Variants in TMEM67 observed in about 807,000 individuals in gnomAD.
The protein encoded by TMEM67 is transmembrane protein 67.
In TMEM67, 124 loss-of-function variants were observed where a neutral mutation model predicts 136.6. That is an observed-to-expected ratio of 0.91 (90% CI 0.78 to 1.05). The LOEUF (loss-of-function observed/expected upper bound fraction) is 1.05, where lower values mean the gene tolerates loss of function less well. Among genes scored for constraint, TMEM67 ranks in the 50% least tolerant of loss-of-function variants. The pLI is 0.00. For synonymous variants in TMEM67, 364 were observed against 390.5 expected, an observed-to-expected ratio of 0.93 and a Z score of 0.80; for missense variants, 1,107 against 1,178.4, an observed-to-expected ratio of 0.94 and a Z score of 0.89.
At chr8:93,827,656 A>G in the TMEM67 span, among the ~76,000 whole-genome samples, 1 of 147,122 alleles carries the variant, frequency 6.8e-6, no homozygotes, top group African/African-American at 2.5e-5. Flanking sequence ...TGAGGATCCC[A>G]CTGTGTGGCC....
At chr8:93,796,294 C>T (rs1020420448) in intron 18 of TMEM67, among the ~76,000 whole-genome samples, 1 of 152,142 alleles carries the variant, frequency 6.6e-6, no homozygotes, top group Non-Finnish European at 1.5e-5. Flanking sequence ...TGTCTTCAGG[C>T]ATGAATTTTG....
chr8:93,812,003 G>A lies in TMEM67; in HGVS notation c.2764+2116G>A, dbSNP rs571805171. On this transcript the variant is annotated intron_variant, in intron 26 of 27. Coordinates refer to ENST00000453321, the MANE Select transcript of TMEM67 (RefSeq NM_153704.6). ...TGTCTCTATTAAAAATACAAAATTA[G>A]CCGGGCATGGTGGTGCATGCCTGTA... 8.5e-5 allele frequency among the ~76,000 whole-genome samples: 13 copies of A among 152,056 alleles called. No individual in the cohort carries two copies. In the South Asian group the frequency reaches 2.5e-3, roughly 29 times the overall value.
At position 93,758,579 on chromosome 8, in the gene TMEM67, A is replaced by T. The variant is rs1436703786; in HGVS notation, c.406+3A>T. 6.2e-7 allele frequency: 1 copy of T among 1,605,816 alleles called. No individual in the cohort carries two copies. The highest frequency in any genetic ancestry group is 1.7e-5 in the Admixed American group (1 of 60,018). ...CTGTCCCATTGGCCATATTTTAGGTAAGAATTAGATTCCTTATAAAGAAGT... is the reference window on the plus strand; with the variant it reads ...CTGTCCCATTGGCCATATTTTAGGTTAGAATTAGATTCCTTATAAAGAAGT... On this transcript the variant is annotated splice_donor_region_variant and intron_variant, in intron 3 of 27. Transcript: ENST00000453321.
chr8:93,801,739 G>T (rs551090763), intron 21 of TMEM67, among the ~76,000 whole-genome samples: 40 of 152,184 alleles, frequency 2.6e-4, no homozygotes, highest in Non-Finnish European at 4.9e-4. Context: ...AGGTCCAGGT[G>T]GTGGTATTCA....
At chr8:93,799,845 C>T in intron 21 of TMEM67, 87 bp downstream of exon 21, 1 of 1,093,220 alleles carries the variant, frequency 9.1e-7, no homozygotes, top group South Asian at 1.3e-5. Context: ...CAAATATTGA[C>T]CACATCCTTC....
downstream of TMEM67, chr8:93,819,204 T>G (rs1330213912): frequency 2.3e-6 from 1 of 439,688 alleles, no homozygotes; most frequent in African/African-American, 2.1e-5. Flanking sequence ...TATTTTTTTC[T>G]TGCTAATAAA....
chr8:93,765,001 TTTCTC>T (rs1194420101), intron 4 of TMEM67, among the ~76,000 whole-genome samples: 16 of 152,316 alleles, frequency 1.1e-4, no homozygotes, highest in African/African-American at 3.6e-4. Context: ...TAGAGATACA[TTTCTC>T]TTCGGGTTAT....
At chr8:93,816,289 A>C (rs1210683924) in intron 27 of TMEM67, 83 bp from the exon 28 acceptor site, 1 of 633,932 alleles carries the variant, frequency 1.6e-6, no homozygotes, top group Non-Finnish European at 2.8e-6. Flanking sequence ...AGAATTAGCT[A>C]ATTTAATCTA....
intron 7 of TMEM67, among the ~76,000 whole-genome samples, chr8:93,774,717 C>T (rs1367623061): frequency 6.6e-6 from 1 of 152,194 alleles, no homozygotes; most frequent in Non-Finnish European, 1.5e-5. Context: ...CTTAGTATTC[C>T]ATGGTGTATA....
chr8:93,812,614 GC>G (rs1301361313), intron 26 of TMEM67, among the ~76,000 whole-genome samples: 2 of 152,184 alleles, frequency 1.3e-5, no homozygotes, highest in Non-Finnish European at 2.9e-5. Context: ...GAACTTTAGT[GC>G]CTTCTTTGTA....
At chr8:93,828,858 T>G in the TMEM67 span, among the ~76,000 whole-genome samples, 1 of 152,178 alleles carries the variant, frequency 6.6e-6, no homozygotes, top group Non-Finnish European at 1.5e-5. Flanking sequence ...ACAAGACTAT[T>G]GTTAGTCAAG....
At chr8:93,766,246 G>C (rs1176775270) in intron 6 of TMEM67, among the ~76,000 whole-genome samples, 1 of 152,036 alleles carries the variant, frequency 6.6e-6, no homozygotes, top group Non-Finnish European at 1.5e-5. Context: ...GCCTCAGCGA[G>C]TAGCTGGGAT....
chr8:93,813,391 C>G (rs1808775830), intron 26 of TMEM67, among the ~76,000 whole-genome samples: 1 of 152,094 alleles, frequency 6.6e-6, no homozygotes, highest in South Asian at 2.1e-4. Flanking sequence ...ATTGGCCAGG[C>G]TGGCCTCGAA....
At chr8:93,794,469 T>C (rs1814519566) in intron 16 of TMEM67, among the ~76,000 whole-genome samples, 2 of 152,240 alleles carry the variant, frequency 1.3e-5, no homozygotes, top group Admixed American at 1.3e-4. Context: ...ATTATTATTA[T>C]TTGCGTTTTA....
intron 14 of TMEM67, among the ~76,000 whole-genome samples, chr8:93,790,096 C>G: frequency 6.6e-6 from 1 of 151,748 alleles, no homozygotes; most frequent in South Asian, 2.1e-4. Context: ...AGTCATGAAA[C>G]TACATTGATG....
At chr8:93,763,342 C>T (rs750623118) in intron 3 of TMEM67, among the ~76,000 whole-genome samples, 23 of 152,246 alleles carry the variant, frequency 1.5e-4, no homozygotes, top group Non-Finnish European at 1.6e-4. Context: ...AGTGAATATC[C>T]TTATATACAT....
intron 9 of TMEM67, among the ~76,000 whole-genome samples, chr8:93,781,387 C>T (rs1813820275): frequency 6.6e-6 from 1 of 152,174 alleles, no homozygotes; most frequent in African/African-American, 2.4e-5. Context: ...ATACTATTCT[C>T]CCACACTGCC....
intron 13 of TMEM67, among the ~76,000 whole-genome samples, chr8:93,786,602 C>T (rs1309970594): frequency 6.6e-6 from 1 of 152,068 alleles, no homozygotes; most frequent in Non-Finnish European, 1.5e-5. Context: ...GAATGGGTTG[C>T]GAATAGCTAA....
intron 6 of TMEM67, among the ~76,000 whole-genome samples, chr8:93,768,663 A>G (rs1813189873): frequency 6.6e-6 from 1 of 152,152 alleles, no homozygotes; most frequent in Non-Finnish European, 1.5e-5. Context: ...ATTCTTAAGC[A>G]ATACTTCAGG....
Sources: allele counts gnomAD v4.1 joint callset (sites outside exome capture counted in the v4.1 genomes callset), GRCh38; gene constraint gnomAD v4.1.1; transcripts MANE v1.5; gene names NCBI Gene and HGNC (gene_info 2026-07-23, HGNC 2026-07-21).